Variants in DLG2 observed in about 807,000 individuals in gnomAD.
DLG2 encodes the protein disks large homolog 2.
In DLG2, 45 loss-of-function variants were observed where a neutral mutation model predicts 132.5. That is an observed-to-expected ratio of 0.34 (90% CI 0.27 to 0.44). The LOEUF is 0.44. Among genes scored for constraint, DLG2 ranks in the 20% least tolerant of loss-of-function variants. The pLI, the probability that DLG2 is intolerant of heterozygous loss-of-function variation, is 1.00. For synonymous variants in DLG2, 424 were observed against 419.6 expected, an observed-to-expected ratio of 1.01 and a Z score of -0.13; for missense variants, 1,045 against 1,196.9, an observed-to-expected ratio of 0.87 and a Z score of 1.87.
intron 18 of DLG2, among the ~76,000 whole-genome samples, chr11:83,734,246 G>C (rs1359866306): frequency 1.3e-5 from 2 of 152,030 alleles, no homozygotes; most frequent in Non-Finnish European, 2.9e-5. Context: ...TGGCATATCT[G>C]AGTAACCTTC....
intron 9 of DLG2, among the ~76,000 whole-genome samples, chr11:84,122,907 G>A (rs748322994): frequency 1.3e-5 from 2 of 152,010 alleles, no homozygotes; most frequent in Non-Finnish European, 2.9e-5. Context: ...AAGAGGGGAA[G>A]GATTATGATT....
At chr11:84,084,560 T>G (rs560342415) in intron 10 of DLG2, among the ~76,000 whole-genome samples, 13 of 152,284 alleles carry the variant, frequency 8.5e-5, no homozygotes, top group Middle Eastern at 3.4e-3. Flanking sequence ...TTTTATAAGC[T>G]CAATGAATAT....
At chr11:85,357,998 T>G (rs1029873116) in intron 3 of DLG2, among the ~76,000 whole-genome samples, 1 of 151,380 alleles carries the variant, frequency 6.6e-6, no homozygotes, top group African/African-American at 2.4e-5. Flanking sequence ...CTCCAAGAAC[T>G]TAGAAATAAA....
At chr11:83,484,829 G>A (rs11827192) in intron 21 of DLG2, among the ~76,000 whole-genome samples, 9,926 of 152,000 alleles carry the variant, frequency 0.065, 1,091 homozygotes, top group African/African-American at 0.22. Flanking sequence ...TAGATTTATG[G>A]TATAATTACA....
intron 8 of DLG2, among the ~76,000 whole-genome samples, chr11:84,250,162 T>C (rs973487081): frequency 3.3e-5 from 5 of 152,232 alleles, no homozygotes; most frequent in Non-Finnish European, 7.3e-5. Flanking sequence ...ATTTAGAAAT[T>C]GCAAACATGT....
At chr11:84,032,966 T>C (rs1271063684) in intron 11 of DLG2, among the ~76,000 whole-genome samples, 1 of 152,178 alleles carries the variant, frequency 6.6e-6, no homozygotes, top group Non-Finnish European at 1.5e-5. Flanking sequence ...AGCCTACTCT[T>C]GAGATGCACT....
chr11:84,195,728 A>G (rs1209331989), intron 8 of DLG2, among the ~76,000 whole-genome samples: 1 of 152,126 alleles, frequency 6.6e-6, no homozygotes, highest in Non-Finnish European at 1.5e-5. Flanking sequence ...TCCACACGAA[A>G]CTTCTGCAGC....
At chr11:84,337,598 CT>C (rs1191777748) in intron 7 of DLG2, among the ~76,000 whole-genome samples, 1 of 152,032 alleles carries the variant, frequency 6.6e-6, no homozygotes, top group African/African-American at 2.4e-5. Flanking sequence ...AATAAATACT[CT>C]TCTCAGTAGA....
chr11:84,718,103 A>G (rs1245591762), intron 6 of DLG2, among the ~76,000 whole-genome samples: 1 of 152,072 alleles, frequency 6.6e-6, no homozygotes, highest in African/African-American at 2.4e-5. Context: ...ATTATAAGAT[A>G]GAATCCTTAT....
At chr11:83,527,313 T>C (rs1370671942) in intron 21 of DLG2, among the ~76,000 whole-genome samples, 1 of 152,214 alleles carries the variant, frequency 6.6e-6, no homozygotes, top group Non-Finnish European at 1.5e-5. Flanking sequence ...AGTAAGCAGA[T>C]TGTGAACTTT....
chr11:84,948,675 A>G (rs1488171354), intron 6 of DLG2, among the ~76,000 whole-genome samples: 1 of 152,332 alleles, frequency 6.6e-6, no homozygotes, highest in South Asian at 2.1e-4. Context: ...AAGATACTGG[A>G]AACAATTTCT....
intron 7 of DLG2, among the ~76,000 whole-genome samples, chr11:84,313,008 C>T (rs1044901743): frequency 2.6e-5 from 4 of 151,896 alleles, no homozygotes; most frequent in Non-Finnish European, 5.9e-5. Context: ...GACGGGGCTT[C>T]ACCATGTTGG....
Position 83,842,439 on chromosome 11 carries a change from C to A in DLG2, c.1566-8669G>T, listed in dbSNP as rs543479196. Among the ~76,000 whole-genome samples the A allele has an allele frequency of 1.4e-3, 191 of 138,266 alleles. 1 individual carries two copies. The highest frequency in any genetic ancestry group is 5.6e-3 in the Admixed American group (70 of 12,582). The allele number at this position is 138,266 out of a possible 152,430, so 90.7% of individuals were successfully genotyped here. On this transcript the variant is annotated intron_variant, in intron 16 of 27. Transcript: ENST00000376104. ...TGAAACCCCATCTCTACTAAAAATA[C>A]AAAAATTAGCTGGGTGTGGTAGCGT...
intron 19 of DLG2, among the ~76,000 whole-genome samples, chr11:83,560,092 A>G (rs1321691498): frequency 6.6e-6 from 1 of 151,318 alleles, no homozygotes; most frequent in Non-Finnish European, 1.5e-5. Flanking sequence ...AATGAAAGAG[A>G]GGGGAAGGAT....
At chr11:84,594,901 C>T (rs2099552678) in intron 6 of DLG2, among the ~76,000 whole-genome samples, 1 of 152,098 alleles carries the variant, frequency 6.6e-6, no homozygotes, top group African/African-American at 2.4e-5. Flanking sequence ...TAAAGCAAAC[C>T]TCCTACCTCA....
chr11:84,659,273 T>A (rs771856839), intron 6 of DLG2, among the ~76,000 whole-genome samples: 1 of 152,110 alleles, frequency 6.6e-6, no homozygotes, highest in Non-Finnish European at 1.5e-5. Flanking sequence ...AAATTTGAAG[T>A]CCTGTCTGTC....
chr11:84,861,716 A>C (rs2083725106), intron 6 of DLG2, among the ~76,000 whole-genome samples: 1 of 150,500 alleles, frequency 6.6e-6, no homozygotes, highest in African/African-American at 2.4e-5. Flanking sequence ...CATCTGACAA[A>C]GGGCTAATAT....
chr11:85,016,620 C>G lies in DLG2; in HGVS notation c.357+95041G>C, dbSNP rs191149919. On this transcript the variant is annotated intron_variant, in intron 6 of 27. Transcript: ENST00000376104. Reference sequence around the variant, plus strand: ...AAGCTCTGTGGGAAAGGAACTCACACACACACTAAGAGCAATTTCTATGTA... The same window carrying G: ...AAGCTCTGTGGGAAAGGAACTCACAGACACACTAAGAGCAATTTCTATGTA... Among the ~76,000 whole-genome samples, 3 of 152,296 alleles carry G rather than the reference C, an allele frequency of 2.0e-5. No individual in the cohort carries two copies. The East Asian group carries it at 5.8e-4, about 29-fold the overall frequency.
intron 3 of DLG2, among the ~76,000 whole-genome samples, chr11:85,421,808 C>G (rs1222269634): frequency 6.6e-6 from 1 of 151,904 alleles, no homozygotes; most frequent in Non-Finnish European, 1.5e-5. Flanking sequence ...TAAACAGTTT[C>G]CATTTTGATG....
Sources: allele counts gnomAD v4.1 joint callset (sites outside exome capture counted in the v4.1 genomes callset), GRCh38; gene constraint gnomAD v4.1.1; transcripts MANE v1.5; gene names NCBI Gene and HGNC (gene_info 2026-07-23, HGNC 2026-07-21).